Variants in ABCB1 observed in about 807,000 individuals in gnomAD.
ABCB1 encodes the protein ATP-dependent translocase ABCB1.
ABCB1 carries 69 observed loss-of-function variants against 142.0 expected under a neutral mutation model. That is an observed-to-expected ratio of 0.49 (90% CI 0.40 to 0.59). The LOEUF is 0.59. Among genes scored for constraint, ABCB1 ranks in the 20% least tolerant of loss-of-function variants. The pLI, the probability that ABCB1 is intolerant of heterozygous loss-of-function variation, is 0.00. For missense variants in ABCB1, 1,326 were observed against 1,554.7 expected, an observed-to-expected ratio of 0.85 and a Z score of 2.47; for synonymous variants, 532 against 539.2, an observed-to-expected ratio of 0.99 and a Z score of 0.18.
intron 21 of ABCB1, among the ~76,000 whole-genome samples, chr7:87,530,937 A>G (rs1333079020): frequency 3.3e-5 from 5 of 151,676 alleles, no homozygotes; most frequent in Non-Finnish European, 5.9e-5. Context: ...AAAGAAGGAA[A>G]GAAGGAAGGA....
rs574719047 is a variant in ABCB1, at chr7:87,542,927, C to T, written c.2211+1202G>A. ...TGTTAATAGAAAAAGTTTGCTGACT[C>T]CTGCCCTGGACCATATACTCTACAG... On this transcript the variant is annotated intron_variant, in intron 17 of 27. Transcript: ENST00000622132. Among the ~76,000 whole-genome samples, 11 of 152,308 alleles carry T rather than the reference C, an allele frequency of 7.2e-5. No individual in the cohort carries two copies. In the East Asian group the frequency reaches 2.1e-3, roughly 29 times the overall value.
intron 1 of ABCB1, among the ~76,000 whole-genome samples, chr7:87,711,813 A>G (rs570353022): frequency 1.3e-5 from 2 of 152,264 alleles, no homozygotes; most frequent in East Asian, 1.9e-4. Context: ...AGAAGGTTCT[A>G]TTGGTCGGAG....
intron 1 of ABCB1, among the ~76,000 whole-genome samples, chr7:87,649,606 A>G (rs1424206516): frequency 6.6e-6 from 1 of 152,202 alleles, no homozygotes; most frequent in East Asian, 1.9e-4. Context: ...AAATAGAGAC[A>G]AAGGACATTC....
chr7:87,673,099 G>T (rs74718662), intron 1 of ABCB1, among the ~76,000 whole-genome samples: 2 of 152,128 alleles, frequency 1.3e-5, no homozygotes, highest in African/African-American at 4.8e-5. Flanking sequence ...TTGCCTGATC[G>T]GGTTCCCTTT....
At chr7:87,646,921 G>A (rs1188363261) in intron 1 of ABCB1, among the ~76,000 whole-genome samples, 1 of 152,074 alleles carries the variant, frequency 6.6e-6, no homozygotes. Flanking sequence ...CTTTATCAGT[G>A]TTACTTCCTA....
At chr7:87,628,615 G>A in intron 1 of ABCB1, 2 of 358,710 alleles carry the variant, frequency 5.6e-6, no homozygotes, top group East Asian at 8.1e-5. Flanking sequence ...GTGTGTGTGT[G>A]TGTGTGTGTG....
intron 7 of ABCB1, among the ~76,000 whole-genome samples, chr7:87,561,812 C>T (rs1817572470): frequency 6.6e-6 from 1 of 152,082 alleles, no homozygotes; most frequent in Admixed American, 6.6e-5. Context: ...ATGGCAAGAC[C>T]CCGCCTCTAC....
intron 9 of ABCB1, among the ~76,000 whole-genome samples, chr7:87,552,703 G>T: frequency 8.6e-6 from 1 of 115,920 alleles, no homozygotes; most frequent in Non-Finnish European, 1.7e-5. Context: ...GTTGGATAAG[G>T]CAAATTTGAA....
At chr7:87,628,631 C>G in intron 1 of ABCB1, 1 of 364,264 alleles carries the variant, frequency 2.7e-6, no homozygotes, top group Non-Finnish European at 4.8e-6. Context: ...GTGTGGAGCT[C>G]GGGTGCCAAG....
intron 1 of ABCB1, among the ~76,000 whole-genome samples, chr7:87,660,802 T>G (rs1157012260): frequency 2.0e-5 from 3 of 151,956 alleles, no homozygotes; most frequent in Admixed American, 6.6e-5. Context: ...TTCTACTTGT[T>G]CTGATCATTT....
At chr7:87,676,881 T>C (rs1354635709) in intron 1 of ABCB1, among the ~76,000 whole-genome samples, 1 of 151,980 alleles carries the variant, frequency 6.6e-6, no homozygotes, top group African/African-American at 2.4e-5. Flanking sequence ...ACACTCGATA[T>C]CACTACTCAT....
In ABCB1 at chr7:87,565,657, T is replaced by G. The variant is rs189533072; in HGVS notation, c.702+413A>C. Among the ~76,000 whole-genome samples, 390 of 151,734 alleles carry G rather than the reference T, an allele frequency of 2.6e-3. 1 individual carries two copies. Among genetic ancestry groups the G allele is most frequent in the African/African-American group, 8.9e-3 (368 of 41,452 alleles). On this transcript the variant is annotated intron_variant, in intron 7 of 27. Coordinates refer to ENST00000622132, the MANE Select transcript of ABCB1 (RefSeq NM_001348946.2). Reference sequence around the variant, plus strand: ...CATTAAAGTAAAAAAAAATGTTAATTGAATGGGACATCTGTAGTTCACTAA... The same window carrying G: ...CATTAAAGTAAAAAAAAATGTTAATGGAATGGGACATCTGTAGTTCACTAA...
chr7:87,532,012 C>T (rs921060910), intron 20 of ABCB1, among the ~76,000 whole-genome samples: 1 of 152,284 alleles, frequency 6.6e-6, no homozygotes, highest in Middle Eastern at 3.4e-3. Flanking sequence ...TTATCTTCCC[C>T]TTGAATTCCA....
At chr7:87,640,192 GTATA>G (rs772972684) in intron 1 of ABCB1, among the ~76,000 whole-genome samples, 1 of 145,440 alleles carries the variant, frequency 6.9e-6, no homozygotes, top group Admixed American at 6.9e-5. Flanking sequence ...ATATATATGT[GTATA>G]TATATATATA....
intron 1 of ABCB1, among the ~76,000 whole-genome samples, chr7:87,665,802 T>C (rs1334497649): frequency 6.6e-6 from 1 of 152,144 alleles, no homozygotes; most frequent in African/African-American, 2.4e-5. Context: ...TTTGGTTTTC[T>C]GTTCCCGCAT....
rs1816981140 is a variant in ABCB1 at position 87,550,058 on chromosome 7, G to T, written c.1351-4C>A. 2 of 1,614,018 alleles carry T rather than the reference G, an allele frequency of 1.2e-6. No individual in the cohort carries two copies. The highest frequency in any genetic ancestry group is 1.7e-6 in the Non-Finnish European group (2 of 1,180,026). ...TATCCTGTCCATCAACACTGACCTGGAATAAAAAGTAAGTGTGACTTTCAT... is the reference window on the plus strand; with the variant it reads ...TATCCTGTCCATCAACACTGACCTGTAATAAAAAGTAAGTGTGACTTTCAT... On this transcript the variant is annotated splice_polypyrimidine_tract_variant and splice_region_variant and intron_variant, in intron 12 of 27. Coordinates refer to ENST00000622132, the MANE Select transcript of ABCB1 (RefSeq NM_001348946.2).
chr7:87,630,368 A>T (rs1406091947), intron 1 of ABCB1, among the ~76,000 whole-genome samples: 1 of 152,258 alleles, frequency 6.6e-6, no homozygotes, highest in East Asian at 1.9e-4. Context: ...TGTAATTATT[A>T]CAGCACTTTG....
intron 4 of ABCB1, among the ~76,000 whole-genome samples, chr7:87,582,559 A>C (rs1818554340): frequency 6.6e-6 from 1 of 152,096 alleles, no homozygotes; most frequent in South Asian, 2.1e-4. Flanking sequence ...ACAACCCCTC[A>C]CTCAATACCC....
chr7:87,549,868 T>C lies in ABCB1; in HGVS notation c.1537A>G (p.Ile513Val), dbSNP rs1816969835. The change falls in exon 13 of 28, where the codon ATC becomes GTC. Residue 513 changes from isoleucine to valine, a missense_variant. Physicochemically the swap from Ile to Val is conservative, Grantham distance 29. Transcript: ENST00000622132. ...CAACTTACATGAGGCAGTTTCATGA[T>C]AAAGTCATAGGCATTGGCTTCCTTG... ...AVKEANAYDF[I>V]MKLPHKFDTL... 2.5e-6 allele frequency: 4 copies of C among 1,614,100 alleles called. No homozygotes were observed. In the East Asian group the frequency reaches 8.9e-5, roughly 36 times the overall value.
Sources: gnomAD v4.1 joint callset for allele counts (sites outside exome capture counted in the v4.1 genomes callset) on GRCh38, gnomAD v4.1.1 for gene constraint, MANE v1.5 for transcripts, NCBI Gene and HGNC (gene_info 2026-07-23, HGNC 2026-07-21) for gene names.